The following GRIK4 variants were observed in gnomAD, a reference collection of about 807,000 sequenced individuals.
The protein encoded by GRIK4 is glutamate receptor ionotropic, kainate 4.
GRIK4 carries 40 observed loss-of-function variants against 104.9 expected under a neutral mutation model. That is an observed-to-expected ratio of 0.38 (90% CI 0.30 to 0.50). The LOEUF (loss-of-function observed/expected upper bound fraction) is 0.50. Among genes scored for constraint, GRIK4 ranks in the 20% least tolerant of loss-of-function variants. GRIK4 has a pLI of 0.93. For missense variants in GRIK4, 1,047 were observed against 1,308.1 expected (o/e 0.80, Z 3.08); for synonymous variants, 485 against 524.9 (o/e 0.92, Z 1.04).
chr11:120,615,337 G>C (rs528637056), intron 1 of GRIK4, among the ~76,000 whole-genome samples: 1 of 152,302 alleles, frequency 6.6e-6, no homozygotes, highest in Admixed American at 6.5e-5. Context: ...GGTTGGGTGG[G>C]CTACTTCTGT....
chr11:120,813,972 G>A (rs899291956), intron 4 of GRIK4, among the ~76,000 whole-genome samples: 1 of 152,152 alleles, frequency 6.6e-6, no homozygotes, highest in Non-Finnish European at 1.5e-5. Flanking sequence ...CTCTCTCACT[G>A]TGTTTCCCTC....
chr11:120,917,247 C>CAAAAAAAAAAAAAAA (rs199620498), intron 13 of GRIK4, among the ~76,000 whole-genome samples: 4 of 34,800 alleles, frequency 1.1e-4, no homozygotes, highest in Non-Finnish European at 1.6e-4. Context: ...AACTCCGTCT[C>CAAAAAAAAAAAAAAA]AAAAAAAAAA....
At chr11:120,658,488 T>G (rs1394619450) in intron 2 of GRIK4, among the ~76,000 whole-genome samples, 1 of 152,194 alleles carries the variant, frequency 6.6e-6, no homozygotes, top group African/African-American at 2.4e-5. Context: ...ACACACCTAC[T>G]ACCACTGCAT....
rs1174855843 is a variant in GRIK4 at position 120,987,458 on chromosome 11, TGTGTGCGC to T, written c.*1200_*1207del. The T allele has an allele frequency of 3.3e-5, 5 of 152,096 alleles. No individual in the cohort carries two copies. The highest frequency in any genetic ancestry group is 1.2e-4 in the African/African-American group (5 of 41,350). The allele number at this position is 152,096 out of a possible 1,614,324, so 9.4% of individuals were successfully genotyped here. A position where few individuals can be genotyped will look rare whatever the true frequency, so the allele number is the denominator to read the frequency against. On this transcript the variant is annotated 3_prime_UTR_variant, in exon 21 of 21. Transcript: ENST00000527524. ...CTGGGTGCAAGTGTATGTGTGTGTA[TGTGTGCGC>T]GCGTGTGCGTGTGTGTATTTATTCA...
chr11:120,819,448 TAA>T lies in GRIK4; in HGVS notation c.346-305_346-304del, dbSNP rs1232631605. Among the ~76,000 whole-genome samples the T allele has an allele frequency of 6.6e-6, 1 of 152,258 alleles. No individual in the cohort carries two copies. The highest frequency in any genetic ancestry group is 1.5e-5 in the Non-Finnish European group (1 of 68,050). On this transcript the variant is annotated intron_variant, in intron 5 of 20. Coordinates refer to ENST00000527524, the MANE Select transcript of GRIK4 (RefSeq NM_014619.5). The surrounding 1 kb of genome is among the most constrained non-coding windows in gnomAD (Gnocchi z 4.3). ...CAGCAGCAGGCAGTTCCTCTAAGAATAAAGATAGATTCTTTTGCCTTCTCAGG... is the reference window on the plus strand; with the variant it reads ...CAGCAGCAGGCAGTTCCTCTAAGAATAGATAGATTCTTTTGCCTTCTCAGG...
Position 120,923,567 on chromosome 11 carries a change from C to G in GRIK4, c.1477-16780C>G, listed in dbSNP as rs372236776. Among the ~76,000 whole-genome samples, 10 of 152,028 alleles carry G rather than the reference C, an allele frequency of 6.6e-5. No individual in the cohort carries two copies. The East Asian group carries it at 1.9e-3, about 29-fold the overall frequency. On this transcript the variant is annotated intron_variant, in intron 13 of 20. Coordinates refer to ENST00000527524, the MANE Select transcript of GRIK4 (RefSeq NM_014619.5). ...AGCTGGGACTACAGGCACCCACCAC[C>G]ACCCCTGGCTAATTTTTTTGTATTT...
intron 7 of GRIK4, among the ~76,000 whole-genome samples, chr11:120,832,445 A>T (rs1404252392): frequency 6.6e-6 from 1 of 152,210 alleles, no homozygotes; most frequent in Non-Finnish European, 1.5e-5. Context: ...GCTGAATGCC[A>T]GCTCTGTCTT....
At chr11:120,614,761 A>G (rs1949084951) in intron 1 of GRIK4, among the ~76,000 whole-genome samples, 1 of 152,192 alleles carries the variant, frequency 6.6e-6, no homozygotes, top group South Asian at 2.1e-4. Flanking sequence ...GCACTTTGGG[A>G]GGCCAAGGCG....
intron 3 of GRIK4, among the ~76,000 whole-genome samples, chr11:120,726,892 A>C (rs779327229): frequency 6.6e-6 from 1 of 152,232 alleles, no homozygotes; most frequent in Non-Finnish European, 1.5e-5. Flanking sequence ...AAAACCAAAA[A>C]TCCATAGACA....
chr11:120,749,527 T>A (rs1591863799), intron 3 of GRIK4, among the ~76,000 whole-genome samples: 1 of 152,174 alleles, frequency 6.6e-6, no homozygotes, highest in East Asian at 1.9e-4. Context: ...CCGTAGAGCT[T>A]TCCAGGCAGG....
chr11:120,766,103 A>G (rs1051253846), intron 3 of GRIK4, among the ~76,000 whole-genome samples: 1 of 152,198 alleles, frequency 6.6e-6, no homozygotes, highest in African/African-American at 2.4e-5. Context: ...AGTTTTATCT[A>G]TAAGCTGCTG....
At chr11:120,527,524 G>A (rs1166895430) in intron 1 of GRIK4, among the ~76,000 whole-genome samples, 1 of 152,208 alleles carries the variant, frequency 6.6e-6, no homozygotes, top group Non-Finnish European at 1.5e-5. Flanking sequence ...AGCCCGTGCT[G>A]GGGATTTATC....
At chr11:120,754,004 T>C (rs911056816) in intron 3 of GRIK4, among the ~76,000 whole-genome samples, 1 of 152,260 alleles carries the variant, frequency 6.6e-6, no homozygotes, top group East Asian at 1.9e-4. Flanking sequence ...TCATGTACTT[T>C]CTGTGTCTTT....
rs562340703 is a variant in GRIK4, at chr11:120,527,986, A to AT, written c.-159+16106dup. Among the ~76,000 whole-genome samples the AT allele has an allele frequency of 2.4e-3, 371 of 152,002 alleles. 2 individuals carry two copies. The highest frequency in any genetic ancestry group is 3.6e-3 in the Non-Finnish European group (248 of 67,982). On this transcript the variant is annotated intron_variant, in intron 1 of 20. Transcript: ENST00000527524. ...CAAACAAGTCCTTTTATTTTATTTT[A>AT]TTTTTTTGAGACAGGGTCTCACTCT...
chr11:120,888,857 A>C (rs1289384054), intron 11 of GRIK4, among the ~76,000 whole-genome samples: 1 of 152,188 alleles, frequency 6.6e-6, no homozygotes, highest in Non-Finnish European at 1.5e-5. Context: ...TGATTTCATA[A>C]CCCACTAATG....
intron 3 of GRIK4, among the ~76,000 whole-genome samples, chr11:120,693,289 G>C (rs1397337353): frequency 6.6e-6 from 1 of 151,490 alleles, no homozygotes; most frequent in East Asian, 1.9e-4. Flanking sequence ...ATTTTTAGTA[G>C]AGATAGGGTT....
At chr11:120,889,588 C>CTTTTTTTTT (rs776440015) in intron 11 of GRIK4, among the ~76,000 whole-genome samples, 840 of 66,720 alleles carry the variant, frequency 0.013, 80 homozygotes, top group East Asian at 0.037. Context: ...AAAGAGCTTA[C>CTTTTTTTTT]ATTTTTTTTT....
chr11:120,692,963 C>T (rs1950390488), intron 3 of GRIK4, among the ~76,000 whole-genome samples: 2 of 151,794 alleles, frequency 1.3e-5, no homozygotes, highest in African/African-American at 2.4e-5. Flanking sequence ...AACTCTGGAT[C>T]TCAGGTCATC....
chr11:120,834,428 A>G (rs1326969564), intron 7 of GRIK4, among the ~76,000 whole-genome samples: 1 of 152,186 alleles, frequency 6.6e-6, no homozygotes, highest in East Asian at 1.9e-4. Flanking sequence ...CATTGGAGCC[A>G]CACTGATCAA....
Sources: allele counts gnomAD v4.1 joint callset (sites outside exome capture counted in the v4.1 genomes callset), GRCh38; gene constraint gnomAD v4.1.1; non-coding constraint Gnocchi (gnomAD v3.1); transcripts MANE v1.5; gene names NCBI Gene and HGNC (gene_info 2026-07-23, HGNC 2026-07-21).